RHOQ: variants seen among roughly 807,000 people sequenced by gnomAD.
RHOQ encodes the protein rho-related GTP-binding protein RhoQ.
A neutral mutation model predicts 25.8 loss-of-function variants in RHOQ; 7 were observed. The observed-to-expected ratio is 0.27, with a 90% CI of 0.15 to 0.51. The LOEUF is 0.51. Ranked by LOEUF, RHOQ falls within the 20% of genes least tolerant of loss-of-function variation. RHOQ has a pLI of 0.97. For missense variants in RHOQ, 165 were observed against 260.6 expected (o/e 0.63, Z 2.53); for synonymous variants, 97 against 98.6 (o/e 0.98, Z 0.10).
chr2:46,565,491 C>T (rs1365778498), intron 2 of RHOQ, among the ~76,000 whole-genome samples: 1 of 152,234 alleles, frequency 6.6e-6, no homozygotes, highest in Non-Finnish European at 1.5e-5. Context: ...TAAGAGCTCA[C>T]ATTCAGGGAG....
At chr2:46,572,107 GTTTTTT>G (rs746265771) in intron 2 of RHOQ, among the ~76,000 whole-genome samples, 4 of 66,254 alleles carry the variant, frequency 6.0e-5, no homozygotes, top group African/African-American at 1.7e-4. Context: ...GTAAGTGTGT[GTTTTTT>G]TTTTTTTTTT....
intron 2 of RHOQ, among the ~76,000 whole-genome samples, chr2:46,558,378 G>A (rs190919820): frequency 6.6e-6 from 1 of 152,208 alleles, no homozygotes; most frequent in East Asian, 1.9e-4. Context: ...GGGATACCTA[G>A]TATGTTTGAA....
At chr2:46,559,682 C>T (rs1380107808) in intron 2 of RHOQ, among the ~76,000 whole-genome samples, 12 of 152,182 alleles carry the variant, frequency 7.9e-5, no homozygotes, top group Admixed American at 7.9e-4. Flanking sequence ...CAGATGTTCT[C>T]CTGGGGCAAC....
chr2:46,553,541 G>A (rs1204379851), intron 2 of RHOQ, among the ~76,000 whole-genome samples: 3 of 151,542 alleles, frequency 2.0e-5, no homozygotes, highest in African/African-American at 7.3e-5. Context: ...ATTGACTATA[G>A]TCACCCTGTT....
rs114945023 is a variant in RHOQ, at chr2:46,570,687, G to A, written c.202-5400G>A. On this transcript the variant is annotated intron_variant, in intron 2 of 4. Coordinates refer to ENST00000238738, the MANE Select transcript of RHOQ (RefSeq NM_012249.4). Reference sequence around the variant, plus strand: ...TGTTGTAGATGAAGATTACTACTGTGTGCCTTGGAAGTGACACAGAGAATT... The same window carrying A: ...TGTTGTAGATGAAGATTACTACTGTATGCCTTGGAAGTGACACAGAGAATT... 6.3e-3 allele frequency among the ~76,000 whole-genome samples: 959 copies of A among 152,320 alleles called. 12 individuals are homozygous for A. The highest frequency in any genetic ancestry group is 0.022 in the African/African-American group (906 of 41,566).
In RHOQ at chr2:46,569,700, CAT is replaced by C. The variant is rs1179037617; in HGVS notation, c.202-6384_202-6383del. The C allele has an allele frequency of 1.3e-5, 2 of 152,160 alleles. No homozygotes were observed. Among genetic ancestry groups the C allele is most frequent in the East Asian group, 3.8e-4 (2 of 5,202 alleles). The allele number at this position is 152,160 out of a possible 1,614,324, so 9.4% of individuals were successfully genotyped here. On this transcript the variant is annotated intron_variant, in intron 2 of 4. Transcript: ENST00000238738. This position sits in a 1 kb window ranked among gnomAD's most constrained non-coding sequence, Gnocchi z 4.1. ...GAGGCTGACTTATTATAAATCAAAA[CAT>C]ATGAAGATGACAGTAGCTAAAAGTA...
At position 46,581,378 on chromosome 2, in the gene RHOQ, A is replaced by G. The variant is rs1669364512; in HGVS notation, c.*295A>G. The G allele has an allele frequency of 2.0e-6, 3 of 1,505,770 alleles. No homozygotes were observed. The highest frequency in any genetic ancestry group is 2.7e-6 in the Non-Finnish European group (3 of 1,122,836). 93.3% of individuals were successfully genotyped at this position (1,505,770 alleles called of 1,614,324 possible). The stretch of plus-strand genomic sequence containing the variant: ...CAATCACATCATGTTGTAACTACGT[A>G]AAAAACAGAGCTGTAAATGGAACTG... On this transcript the variant is annotated 3_prime_UTR_variant, in exon 5 of 5. Transcript: ENST00000238738.
intron 2 of RHOQ, among the ~76,000 whole-genome samples, chr2:46,546,444 A>G (rs1447176672): frequency 1.8e-5 from 2 of 109,944 alleles, no homozygotes; most frequent in Non-Finnish European, 3.8e-5. Context: ...ATCCGTATAC[A>G]CATATACATA....
chr2:46,567,948 C>T (rs912611830), intron 2 of RHOQ, among the ~76,000 whole-genome samples: 1 of 151,918 alleles, frequency 6.6e-6, no homozygotes, highest in South Asian at 2.1e-4. Flanking sequence ...GTGGCATATG[C>T]CCGTAGTATC....
At chr2:46,549,335 C>T (rs941637681) in intron 2 of RHOQ, among the ~76,000 whole-genome samples, 8 of 152,248 alleles carry the variant, frequency 5.3e-5, no homozygotes, top group Non-Finnish European at 7.4e-5. Flanking sequence ...TTAAGCCCCT[C>T]GGGGTCAGAG....
intron 2 of RHOQ, among the ~76,000 whole-genome samples, chr2:46,558,346 A>G (rs1668465704): frequency 6.6e-6 from 1 of 152,244 alleles, no homozygotes; most frequent in South Asian, 2.1e-4. Flanking sequence ...TCCTGAGAAA[A>G]GAGTCATTGT....
chr2:46,551,887 C>T (rs1350025412), intron 2 of RHOQ, among the ~76,000 whole-genome samples: 1 of 152,182 alleles, frequency 6.6e-6, no homozygotes, highest in Non-Finnish European at 1.5e-5. Context: ...TAAAGGAAGC[C>T]AGTGGTGGCT....
chr2:46,568,790 T>C (rs1668816294), intron 2 of RHOQ: 1 of 152,100 alleles, frequency 6.6e-6, no homozygotes, highest in South Asian at 2.1e-4. Context: ...TCCTCTGCTG[T>C]CCTCTACACA....
chr2:46,572,654 T>C (rs1668971435), intron 2 of RHOQ: 3 of 397,012 alleles, frequency 7.6e-6, no homozygotes, highest in South Asian at 5.5e-5. Context: ...GAGAATGTTC[T>C]AGTTACCATG....
chr2:46,567,023 A>C (rs1346137553), intron 2 of RHOQ, among the ~76,000 whole-genome samples: 1 of 152,194 alleles, frequency 6.6e-6, no homozygotes, highest in African/African-American at 2.4e-5. Context: ...TTTTTATAAC[A>C]AATACTTCCT....
At chr2:46,547,630 G>A (rs764814318) in intron 2 of RHOQ, among the ~76,000 whole-genome samples, 3 of 152,210 alleles carry the variant, frequency 2.0e-5, no homozygotes, top group South Asian at 2.1e-4. Context: ...GAAGTTGACC[G>A]AGGCATCTTC....
intron 2 of RHOQ, among the ~76,000 whole-genome samples, chr2:46,544,037 T>G (rs1297185175): frequency 1.3e-5 from 2 of 151,900 alleles, no homozygotes; most frequent in Non-Finnish European, 2.9e-5. Flanking sequence ...GCTGTGAAAG[T>G]TTTTGCCTGT....
Position 46,566,626 on chromosome 2 carries a change from G to A in RHOQ, c.202-9461G>A, listed in dbSNP as rs947895052. ...TCAAATTTTGTGACTTTTTTGCGGG[G>A]GTCGGGGGCTCACCTTTTAATGACT... On this transcript the variant is annotated intron_variant, in intron 2 of 4. Coordinates refer to ENST00000238738, the MANE Select transcript of RHOQ (RefSeq NM_012249.4). The surrounding 1 kb of genome is among the most constrained non-coding windows in gnomAD (Gnocchi z 4.2). Among the ~76,000 whole-genome samples the A allele has an allele frequency of 6.6e-6, 1 of 152,052 alleles. No individual in the cohort carries two copies.
At chr2:46,565,385 G>A (rs1668700461) in intron 2 of RHOQ, among the ~76,000 whole-genome samples, 1 of 152,192 alleles carries the variant, frequency 6.6e-6, no homozygotes, top group Non-Finnish European at 1.5e-5. Flanking sequence ...TCCATACCTA[G>A]ATAAGACAAA....
Sources: allele counts gnomAD v4.1 joint callset (sites outside exome capture counted in the v4.1 genomes callset), GRCh38; gene constraint gnomAD v4.1.1; non-coding constraint Gnocchi (gnomAD v3.1); transcripts MANE v1.5; gene names NCBI Gene and HGNC (gene_info 2026-07-23, HGNC 2026-07-21).